The following ESR1 variants were observed in gnomAD, a reference collection of about 807,000 sequenced individuals.
ESR1 encodes estrogen receptor 1, also known as estrogen receptor.
In ESR1, 12 loss-of-function variants were observed where a neutral mutation model predicts 52.7. The observed-to-expected ratio is 0.23, with a 90% CI of 0.15 to 0.37. The LOEUF is 0.37. ESR1 is among the 10% of genes least tolerant of loss of function. The pLI is 1.00. For synonymous variants in ESR1, 305 were observed against 316.8 expected, an observed-to-expected ratio of 0.96 and a Z score of 0.39; for missense variants, 584 against 779.7, an observed-to-expected ratio of 0.75 and a Z score of 2.99.
chr6:151,950,845 A>T (rs2128555029), intron 4 of ESR1, among the ~76,000 whole-genome samples: 1 of 111,468 alleles, frequency 9.0e-6, no homozygotes, highest in South Asian at 2.5e-4. Context: ...GATACTTTGT[A>T]TGGGAGCCCT....
intron 1 of ESR1, among the ~76,000 whole-genome samples, chr6:151,818,013 C>T (rs1779952562): frequency 6.6e-6 from 1 of 152,190 alleles, no homozygotes; most frequent in Admixed American, 6.5e-5. Flanking sequence ...TGGAGGAGGA[C>T]TCAATTAAAG....
At chr6:151,883,128 T>A (rs771233063) in intron 3 of ESR1, among the ~76,000 whole-genome samples, 1 of 152,090 alleles carries the variant, frequency 6.6e-6, no homozygotes, top group East Asian at 1.9e-4. Flanking sequence ...CCTCCCTTTT[T>A]TTTTTTTGAG....
chr6:151,902,768 T>C (rs898686098), intron 3 of ESR1, among the ~76,000 whole-genome samples: 1 of 152,240 alleles, frequency 6.6e-6, no homozygotes, highest in African/African-American at 2.4e-5. Context: ...GAGCCCTTCA[T>C]ATAAATTGGT....
At chr6:151,831,028 G>C (rs143250912) in intron 1 of ESR1, among the ~76,000 whole-genome samples, 1 of 151,972 alleles carries the variant, frequency 6.6e-6, no homozygotes, top group East Asian at 1.9e-4. Flanking sequence ...CATTAACTCT[G>C]TTTTCATGGA....
intron 4 of ESR1, among the ~76,000 whole-genome samples, chr6:151,949,639 C>T (rs1340896728): frequency 6.6e-6 from 1 of 152,188 alleles, no homozygotes; most frequent in East Asian, 1.9e-4. Context: ...GATGGCAGCC[C>T]CTCTGGACTG....
chr6:151,745,655 C>T (rs1000296408), intron 2 of ESR1, among the ~76,000 whole-genome samples: 5 of 152,134 alleles, frequency 3.3e-5, no homozygotes, highest in African/African-American at 1.2e-4. Flanking sequence ...CACATTCTGA[C>T]ACCTACATTC....
At chr6:152,050,211 G>A (rs2046568519) in intron 5 of ESR1, among the ~76,000 whole-genome samples, 1 of 152,190 alleles carries the variant, frequency 6.6e-6, no homozygotes, top group Non-Finnish European at 1.5e-5. Context: ...GCTTGGCTGG[G>A]AACATGCCTT....
At chr6:151,694,001 G>A (rs965462249) in intron 1 of ESR1, among the ~76,000 whole-genome samples, 1 of 152,170 alleles carries the variant, frequency 6.6e-6, no homozygotes, top group Non-Finnish European at 1.5e-5. Flanking sequence ...TGTCCACGAG[G>A]TGGTAATAAT....
At chr6:151,888,168 A>T (rs961726149) in intron 3 of ESR1, among the ~76,000 whole-genome samples, 3 of 151,948 alleles carry the variant, frequency 2.0e-5, no homozygotes, top group Non-Finnish European at 2.9e-5. Flanking sequence ...GTGGTTCCAT[A>T]CAAATTTTTG....
Position 152,055,265 on chromosome 6 carries a change from T to C in ESR1, c.1236-5726T>C, listed in dbSNP as rs183828764. ...TAATTTTGGGCAGGGTCCTCTGTAGTAGCTCCATAATGGTTGTAGTAATTT... is the reference window on the plus strand; with the variant it reads ...TAATTTTGGGCAGGGTCCTCTGTAGCAGCTCCATAATGGTTGTAGTAATTT... On this transcript the variant is annotated intron_variant, in intron 5 of 7. Coordinates refer to ENST00000206249, the MANE Select transcript of ESR1 (RefSeq NM_000125.4). 1.9e-4 allele frequency among the ~76,000 whole-genome samples: 29 copies of C among 152,294 alleles called. No individual in the cohort carries two copies. In the East Asian group the frequency reaches 5.2e-3, roughly 27 times the overall value.
At chr6:151,684,456 G>A (rs1323219233) in intron 1 of ESR1, among the ~76,000 whole-genome samples, 8 of 152,144 alleles carry the variant, frequency 5.3e-5, no homozygotes, top group South Asian at 2.1e-4. Flanking sequence ...TATGTTGGAC[G>A]GATTCGAAAT....
intron 4 of ESR1, among the ~76,000 whole-genome samples, chr6:151,948,887 C>T (rs1334805346): frequency 6.6e-6 from 1 of 152,176 alleles, no homozygotes; most frequent in Non-Finnish European, 1.5e-5. Context: ...CTCTGCCTCT[C>T]ATCCTCATCC....
intron 4 of ESR1, among the ~76,000 whole-genome samples, chr6:151,970,920 A>G (rs1201615580): frequency 1.3e-5 from 2 of 152,068 alleles, no homozygotes; most frequent in Admixed American, 6.5e-5. Flanking sequence ...CTCTATCCCA[A>G]TAAAAACCTT....
intron 4 of ESR1, among the ~76,000 whole-genome samples, chr6:152,004,433 T>A (rs1422585920): frequency 6.6e-6 from 1 of 152,018 alleles, no homozygotes; most frequent in Non-Finnish European, 1.5e-5. Context: ...TAGCCACTCA[T>A]CGTATTTAAG....
chr6:151,678,297 AC>A (rs1448259781), intron 1 of ESR1, among the ~76,000 whole-genome samples: 9 of 151,950 alleles, frequency 5.9e-5, no homozygotes, highest in African/African-American at 1.9e-4. Flanking sequence ...ACATGGTGAA[AC>A]CCTGTCTCTA....
At chr6:151,773,350 T>C (rs1183984853) in intron 2 of ESR1, among the ~76,000 whole-genome samples, 1 of 152,196 alleles carries the variant, frequency 6.6e-6, no homozygotes, top group African/African-American at 2.4e-5. Flanking sequence ...TTTGGACTTT[T>C]AGCCCCTGGA....
exon 7 of ESR1, chr6:152,125,540 A>G: frequency 5.5e-6 from 4 of 721,772 alleles, no homozygotes; most frequent in Non-Finnish European, 8.1e-6. Context: ...ATAGCTACCC[A>G]CAAACTTTGG....
chr6:151,899,276 A>C, intron 3 of ESR1, among the ~76,000 whole-genome samples: 1 of 122,790 alleles, frequency 8.1e-6, no homozygotes, highest in Non-Finnish European at 1.7e-5. Context: ...TCCCTCCCGG[A>C]CGGGGCGGCT....
chr6:152,016,306 A>G (rs988859305), intron 5 of ESR1, among the ~76,000 whole-genome samples: 1 of 152,170 alleles, frequency 6.6e-6, no homozygotes. Flanking sequence ...TACATTAGGT[A>G]TATGTTAATG....
Sources: allele counts gnomAD v4.1 joint callset (sites outside exome capture counted in the v4.1 genomes callset), GRCh38; gene constraint gnomAD v4.1.1; transcripts MANE v1.5; gene names NCBI Gene and HGNC (gene_info 2026-07-23, HGNC 2026-07-21).